The following CCDC85A variants were observed in gnomAD, a reference collection of about 807,000 sequenced individuals.
CCDC85A encodes the protein coiled-coil domain containing 85A, also known as coiled-coil domain-containing protein 85A.
A neutral mutation model predicts 50.2 loss-of-function variants in CCDC85A; 38 were observed. The ratio of observed to expected loss-of-function variants is 0.76; its 90% CI spans 0.58 to 0.99. The LOEUF (loss-of-function observed/expected upper bound fraction) is 0.99, where lower values mean the gene tolerates loss of function less well. Among genes scored for constraint, CCDC85A ranks in the 50% least tolerant of loss-of-function variants. CCDC85A has a pLI of 0.00. For synonymous variants in CCDC85A, 366 were observed against 301.4 expected (o/e 1.21, Z -2.22); for missense variants, 820 against 742.0 (o/e 1.11, Z -1.22).
intron 2 of CCDC85A, among the ~76,000 whole-genome samples, chr2:56,338,966 C>G (rs1265959973): frequency 2.0e-5 from 3 of 152,042 alleles, no homozygotes; most frequent in Non-Finnish European, 4.4e-5. Flanking sequence ...GTGTTTTACC[C>G]CCAGGAAGAG....
chr2:56,204,512 G>A (rs1395167179), intron 2 of CCDC85A, among the ~76,000 whole-genome samples: 1 of 152,126 alleles, frequency 6.6e-6, no homozygotes, highest in East Asian at 1.9e-4. Context: ...TGAGGAAGCC[G>A]GAAACCACAG....
intron 2 of CCDC85A, among the ~76,000 whole-genome samples, chr2:56,312,326 C>T (rs775575039): frequency 6.6e-6 from 1 of 151,980 alleles, no homozygotes; most frequent in Non-Finnish European, 1.5e-5. Flanking sequence ...GTTGGAACGC[C>T]TGGAGACAGT....
chr2:56,183,949 GCTCCAGGCTCCTC>G (rs1409368098), upstream of CCDC85A: 12 of 985,288 alleles, frequency 1.2e-5, no homozygotes, highest in Non-Finnish European at 1.4e-5. Context: ...GGTGGCCCCA[GCTCCAGGCTCCTC>G]CTCCAGCCGG....
chr2:56,303,526 T>C (rs965100562), intron 2 of CCDC85A, among the ~76,000 whole-genome samples: 2 of 152,036 alleles, frequency 1.3e-5, no homozygotes, highest in Non-Finnish European at 2.9e-5. Flanking sequence ...CCTGGTAGAA[T>C]AAGTAGGCAT....
intron 3 of CCDC85A, among the ~76,000 whole-genome samples, chr2:56,345,784 T>A (rs1010318608): frequency 4.6e-5 from 7 of 152,232 alleles, no homozygotes; most frequent in African/African-American, 1.4e-4. Context: ...TTACAAATAA[T>A]GTGTCATGAG....
Position 56,184,033 on chromosome 2 carries a change from C to A in CCDC85A, c.-592C>A. 1 of 985,252 alleles carries A rather than the reference C, an allele frequency of 1.0e-6. No individual in the cohort carries two copies. The allele number at this position is 985,252 out of a possible 1,614,324, so 61.0% of individuals were successfully genotyped here. On this transcript the variant is annotated 5_prime_UTR_variant, in exon 1 of 6. Transcript: ENST00000407595. ...CAAATCGAAGGCTTTCCGGAGCAGCCTAGGAGCGGCCGCGGGCGCAGCGAA... is the reference window on the plus strand; with the variant it reads ...CAAATCGAAGGCTTTCCGGAGCAGCATAGGAGCGGCCGCGGGCGCAGCGAA...
chr2:56,291,674 G>A (rs1295108622), intron 2 of CCDC85A, among the ~76,000 whole-genome samples: 1 of 151,980 alleles, frequency 6.6e-6, no homozygotes, highest in Non-Finnish European at 1.5e-5. Context: ...TGTAGACAAA[G>A]GGACACATAG....
intron 2 of CCDC85A, among the ~76,000 whole-genome samples, chr2:56,332,666 T>G (rs1673870621): frequency 7.3e-6 from 1 of 137,708 alleles, no homozygotes; most frequent in South Asian, 2.8e-4. Context: ...TCTCTCCCCC[T>G]CTCTCACTGC....
intron 2 of CCDC85A, among the ~76,000 whole-genome samples, chr2:56,250,066 T>A (rs956481199): frequency 1.3e-5 from 2 of 152,166 alleles, no homozygotes; most frequent in Non-Finnish European, 2.9e-5. Flanking sequence ...TCTGTGTACT[T>A]ATAGGTTTTG....
At chr2:56,266,547 A>C (rs958829480) in intron 2 of CCDC85A, among the ~76,000 whole-genome samples, 2 of 150,834 alleles carry the variant, frequency 1.3e-5, no homozygotes, top group African/African-American at 4.9e-5. Context: ...ATGCCCAATA[A>C]ATATATATAA....
At chr2:56,322,471 A>T (rs1464595876) in intron 2 of CCDC85A, among the ~76,000 whole-genome samples, 12 of 152,208 alleles carry the variant, frequency 7.9e-5, no homozygotes, top group African/African-American at 2.9e-4. Context: ...ACCCCATTAA[A>T]AAGTGGGTGA....
chr2:56,204,793 A>C (rs1013199780), intron 2 of CCDC85A, among the ~76,000 whole-genome samples: 2 of 152,096 alleles, frequency 1.3e-5, no homozygotes, highest in African/African-American at 4.8e-5. Flanking sequence ...TTCTCTCTGC[A>C]CTCCTGTGCC....
At chr2:56,265,832 T>C (rs1670415170) in intron 2 of CCDC85A, among the ~76,000 whole-genome samples, 2 of 152,164 alleles carry the variant, frequency 1.3e-5, no homozygotes, top group South Asian at 4.2e-4. Context: ...TTTGAAGATA[T>C]ATCTGCACTC....
At chr2:56,358,471 A>G (rs1239720797) in intron 3 of CCDC85A, among the ~76,000 whole-genome samples, 3 of 152,228 alleles carry the variant, frequency 2.0e-5, no homozygotes, top group Non-Finnish European at 4.4e-5. Context: ...TCCAATCTGC[A>G]GTGACTTCTT....
intron 2 of CCDC85A, among the ~76,000 whole-genome samples, chr2:56,302,551 G>A (rs1000755098): frequency 3.9e-5 from 6 of 152,170 alleles, no homozygotes; most frequent in Non-Finnish European, 7.3e-5. Context: ...GAACCCACGT[G>A]ATTATAGGAG....
At chr2:56,201,083 CA>C (rs1676722682) in intron 2 of CCDC85A, among the ~76,000 whole-genome samples, 1 of 8,904 alleles carries the variant, frequency 1.1e-4, no homozygotes, top group Non-Finnish European at 3.0e-4. Flanking sequence ...TCTCCACACA[CA>C]CACACACACA....
intron 2 of CCDC85A, among the ~76,000 whole-genome samples, chr2:56,263,809 T>G (rs1462576487): frequency 6.6e-6 from 1 of 152,166 alleles, no homozygotes; most frequent in African/African-American, 2.4e-5. Context: ...TTATTTCCTT[T>G]TATCTCCTCC....
At chr2:56,277,580 G>A (rs1671011175) in intron 2 of CCDC85A, among the ~76,000 whole-genome samples, 1 of 152,088 alleles carries the variant, frequency 6.6e-6, no homozygotes, top group African/African-American at 2.4e-5. Context: ...TGTGATAATT[G>A]CTTCAGACAT....
intron 2 of CCDC85A, among the ~76,000 whole-genome samples, chr2:56,238,889 G>A (rs1198050266): frequency 6.6e-6 from 1 of 152,138 alleles, no homozygotes; most frequent in Non-Finnish European, 1.5e-5. Flanking sequence ...ATGGGTCTGC[G>A]ATGGACTTTG....
Sources: allele counts gnomAD v4.1 joint callset (sites outside exome capture counted in the v4.1 genomes callset), GRCh38; gene constraint gnomAD v4.1.1; transcripts MANE v1.5; gene names NCBI Gene and HGNC (gene_info 2026-07-23, HGNC 2026-07-21).